FAM168B: variants seen among roughly 807,000 people sequenced by gnomAD.
FAM168B encodes myelin-associated neurite-outgrowth inhibitor.
In FAM168B, 19 loss-of-function variants were observed where a neutral mutation model predicts 21.8. The observed-to-expected ratio is 0.87, with a 90% confidence interval of 0.61 to 1.28. The LOEUF (loss-of-function observed/expected upper bound fraction) is 1.28, where lower values mean the gene tolerates loss of function less well. FAM168B is among the 50% of genes most tolerant of loss of function. The pLI is 0.00. For missense variants in FAM168B, 233 were observed against 263.1 expected, an observed-to-expected ratio of 0.89 and a Z score of 0.79; for synonymous variants, 126 against 104.8, an observed-to-expected ratio of 1.20 and a Z score of -1.24.
At chr2:131,068,983 T>C (rs113074839) in intron 3 of FAM168B, among the ~76,000 whole-genome samples, 2,208 of 152,330 alleles carry the variant, frequency 0.014, 55 homozygotes, top group African/African-American at 0.05. Context: ...ACCACTGCAC[T>C]GCAGCCTGGG....
At chr2:131,055,793 C>A in intron 3 of FAM168B, 98 bp from the exon 4 acceptor site, 2 of 1,449,912 alleles carry the variant, frequency 1.4e-6, no homozygotes, top group Non-Finnish European at 1.9e-6. Context: ...GTCAGCCCCA[C>A]GCAACTCGCC....
At chr2:131,060,213 A>C (rs1277580148) in intron 3 of FAM168B, among the ~76,000 whole-genome samples, 1 of 152,096 alleles carries the variant, frequency 6.6e-6, no homozygotes, top group Non-Finnish European at 1.5e-5. Flanking sequence ...TTTAGTAGAG[A>C]TGGGGTTTCA....
chr2:131,083,886 T>G lies in FAM168B; in HGVS notation c.-11-1229A>C, dbSNP rs1038641130. Among the ~76,000 whole-genome samples the G allele has an allele frequency of 2.1e-5, 3 of 144,886 alleles. No homozygotes were observed. In the South Asian group the frequency reaches 6.4e-4, roughly 31 times the overall value. ...TTTGCAATTTCCTGTATTTATTTAT[T>G]TATTTATTTATTTATTTATTTATTT... On this transcript the variant is annotated intron_variant, in intron 1 of 6. Coordinates refer to ENST00000389915, the MANE Select transcript of FAM168B (RefSeq NM_001009993.4).
chr2:131,083,862 T>C (rs1170043458), intron 1 of FAM168B, among the ~76,000 whole-genome samples: 3 of 151,132 alleles, frequency 2.0e-5, no homozygotes, highest in Non-Finnish European at 1.5e-5. Context: ...AGTGGTCCTT[T>C]TGCAATTTCC....
At chr2:131,060,254 A>G (rs1342769379) in intron 3 of FAM168B, among the ~76,000 whole-genome samples, 1 of 152,114 alleles carries the variant, frequency 6.6e-6, no homozygotes, top group East Asian at 1.9e-4. Context: ...TCGAACTCCC[A>G]ACCTCGTGAT....
chr2:131,050,533 G>A lies in FAM168B; in HGVS notation c.*1932C>T, dbSNP rs1304099235. The A allele has an allele frequency of 1.0e-6, 1 of 985,704 alleles. No individual in the cohort carries two copies. The highest frequency in any genetic ancestry group is 1.2e-6 in the Non-Finnish European group (1 of 829,950). The allele number at this position is 985,704 out of a possible 1,614,324, so 61.1% of individuals were successfully genotyped here. ...ACACTAAGATGGATTAAGTGCTCAT[G>A]AAGCAATTTAAAGTACTTATCAGTA... On this transcript the variant is annotated 3_prime_UTR_variant, in exon 7 of 7. Transcript: ENST00000389915.
At position 131,050,678 on chromosome 2, in the gene FAM168B, T is replaced by C. The variant is rs1691609708; in HGVS notation, c.*1787A>G. Reference sequence around the variant, plus strand: ...GAAAAAGAAAATTATAAGAAGTACTTACTATAAAAAATAAGGTTACCAAAG... The same window carrying C: ...GAAAAAGAAAATTATAAGAAGTACTCACTATAAAAAATAAGGTTACCAAAG... On this transcript the variant is annotated 3_prime_UTR_variant, in exon 7 of 7. Coordinates refer to ENST00000389915, the MANE Select transcript of FAM168B (RefSeq NM_001009993.4). 2.0e-6 allele frequency: 2 copies of C among 985,084 alleles called. No individual in the cohort carries two copies. Among genetic ancestry groups the C allele is most frequent in the African/African-American group, 3.5e-5 (2 of 57,228 alleles). 61.0% of individuals were successfully genotyped at this position (985,084 alleles called of 1,614,324 possible). A position where few individuals can be genotyped will look rare whatever the true frequency, so the allele number is the denominator to read the frequency against.
chr2:131,068,624 T>G (rs988887444), intron 3 of FAM168B, among the ~76,000 whole-genome samples: 2 of 152,176 alleles, frequency 1.3e-5, no homozygotes, highest in Non-Finnish European at 2.9e-5. Context: ...GCTACCTGCC[T>G]GTCCCAGCTT....
chr2:131,060,320 G>C (rs1039960499), intron 3 of FAM168B, among the ~76,000 whole-genome samples: 1 of 152,038 alleles, frequency 6.6e-6, no homozygotes, highest in Non-Finnish European at 1.5e-5. Flanking sequence ...CACCGCGCCC[G>C]GCCGTGAGTA....
intron 2 of FAM168B, among the ~76,000 whole-genome samples, chr2:131,078,218 G>A (rs1017256831): frequency 6.6e-6 from 1 of 152,220 alleles, no homozygotes; most frequent in African/African-American, 2.4e-5. Context: ...GTGATCCAGA[G>A]ACTGCAGTTA....
intron 3 of FAM168B, among the ~76,000 whole-genome samples, chr2:131,067,305 G>A (rs542563283): frequency 6.6e-6 from 1 of 152,250 alleles, no homozygotes; most frequent in Non-Finnish European, 1.5e-5. Context: ...CAAGGGTCTC[G>A]GAATCCTCTT....
chr2:131,092,129 G>A (rs934152623), intron 1 of FAM168B, among the ~76,000 whole-genome samples: 1 of 151,306 alleles, frequency 6.6e-6, no homozygotes, highest in Non-Finnish European at 1.5e-5. Context: ...GGGAAACAGA[G>A]GGAGACTCCG....
rs1174262310 is a variant in FAM168B at position 131,052,922 on chromosome 2, T to C, written c.569A>G (p.Tyr190Cys). ...AGGTGATCACCACTGAGGGGGCACA[T>C]AGCTGTAAGTGGGCGTTCCTGGGGC... is the stretch of plus-strand genomic sequence containing the variant. The part of the protein sequence containing the change: ...YRAPGTPTYS[Y>C]VPPQW Residue 190 changes from tyrosine (Y) to cysteine (C), a missense_variant, in exon 6 of 7, where the codon TAT becomes TGT. By Grantham distance (194) the Tyr-to-Cys change is radical. Coordinates refer to ENST00000389915, the MANE Select transcript of FAM168B (RefSeq NM_001009993.4). 12 of 1,560,886 alleles carry C rather than the reference T, an allele frequency of 7.7e-6. No individual in the cohort carries two copies. The highest frequency in any genetic ancestry group is 9.6e-6 in the Non-Finnish European group (11 of 1,151,738).
At chr2:131,088,160 C>A (rs931655901) in intron 1 of FAM168B, among the ~76,000 whole-genome samples, 1 of 152,106 alleles carries the variant, frequency 6.6e-6, no homozygotes, top group African/African-American at 2.4e-5. Context: ...GCATGAGAAC[C>A]GCTTCAACCT....
chr2:131,093,334 TCCGAGCCCCGCGTCTCCGCCGCCTC>T lies in FAM168B; in HGVS notation c.-157_-133del, dbSNP rs1260037275. On this transcript the variant is annotated 5_prime_UTR_variant, in exon 1 of 7. Transcript: ENST00000389915. ...ACCTGCTACGATAAGAGGCTGACCC[TCCGAGCCCCGCGTCTCCGCCGCCTC>T]CCGGACGCCGCGCTCCCGCTCGCTC... 2 of 150,270 alleles carry T rather than the reference TCCGAGCCCCGCGTCTCCGCCGCCTC, an allele frequency of 1.3e-5. No homozygotes were observed. Among genetic ancestry groups the T allele is most frequent in the East Asian group, 1.9e-4 (1 of 5,144 alleles). The allele number at this position is 150,270 out of a possible 1,614,324, so 9.3% of individuals were successfully genotyped here.
rs114463255 is a variant in FAM168B at position 131,076,130 on chromosome 2, C to T, written c.71-4192G>A. On this transcript the variant is annotated intron_variant, in intron 2 of 6. Coordinates refer to ENST00000389915, the MANE Select transcript of FAM168B (RefSeq NM_001009993.4). ...ACTGCTTTAGCTGGTCTCGGGTGCA[C>T]CAGCCTCTTTTTTCTCATTCTCTCC... Among the ~76,000 whole-genome samples the T allele has an allele frequency of 5.6e-3, 852 of 152,254 alleles. 5 individuals carry two copies. Among genetic ancestry groups the T allele is most frequent in the African/African-American group, 0.019 (780 of 41,538 alleles).
At chr2:131,092,924 C>G (rs769136460) in intron 1 of FAM168B, among the ~76,000 whole-genome samples, 2 of 152,146 alleles carry the variant, frequency 1.3e-5, no homozygotes, top group African/African-American at 4.8e-5. Flanking sequence ...GCATTCCTGA[C>G]GGCTGTGACC....
chr2:131,084,848 G>C (rs892101310), intron 1 of FAM168B, among the ~76,000 whole-genome samples: 3 of 152,092 alleles, frequency 2.0e-5, no homozygotes, highest in Non-Finnish European at 4.4e-5. Flanking sequence ...TCAGCCTCCA[G>C]AGTAGCCAGG....
chr2:131,068,061 A>G (rs1408663512), intron 3 of FAM168B, among the ~76,000 whole-genome samples: 3 of 152,206 alleles, frequency 2.0e-5, no homozygotes, highest in African/African-American at 7.2e-5. Flanking sequence ...CACCCAAGAC[A>G]TGAAAACAGA....
Sources: gnomAD v4.1 joint callset for allele counts (sites outside exome capture counted in the v4.1 genomes callset) on GRCh38, gnomAD v4.1.1 for gene constraint, MANE v1.5 for transcripts, NCBI Gene and HGNC (gene_info 2026-07-23, HGNC 2026-07-21) for gene names.